The following OR14I1 variants were observed in gnomAD, a reference collection of about 807,000 sequenced individuals.
The protein encoded by OR14I1 is olfactory receptor family 14 subfamily I member 1.
For missense variants in OR14I1, 279 were observed against 181.8 expected (o/e 1.53, Z -3.07); for synonymous variants, 118 against 71.1 (o/e 1.66, Z -3.32).
chr1:248,694,706 T>C, the OR14I1 span, among the ~76,000 whole-genome samples: 1 of 152,246 alleles, frequency 6.6e-6, no homozygotes, highest in Admixed American at 6.5e-5. Context: ...CAGAGGATGC[T>C]ACAATGAATG....
chr1:248,692,369 T>C, the OR14I1 span, among the ~76,000 whole-genome samples: 1 of 152,214 alleles, frequency 6.6e-6, no homozygotes, highest in Non-Finnish European at 1.5e-5. Context: ...TCCACCCTCA[T>C]TCCTGCATTC....
At chr1:248,694,314 A>T in the OR14I1 span, among the ~76,000 whole-genome samples, 40,270 of 152,012 alleles carry the variant, frequency 0.26, 8,564 homozygotes, top group African/African-American at 0.6. Context: ...GTCCCATTTT[A>T]AAAATTTACT....
At chr1:248,698,776 A>G in the OR14I1 span, 3 of 152,236 alleles carry the variant, frequency 2.0e-5, no homozygotes, top group African/African-American at 7.2e-5. Flanking sequence ...CTTATATCCT[A>G]CTCCAGCCCA....
chr1:248,693,528 T>C, the OR14I1 span, among the ~76,000 whole-genome samples: 6 of 152,226 alleles, frequency 3.9e-5, no homozygotes, highest in African/African-American at 1.4e-4. Flanking sequence ...AGCATAATTT[T>C]ACATAAAATT....
upstream of OR14I1, among the ~76,000 whole-genome samples, chr1:248,682,470 A>G (rs914367931): frequency 6.6e-6 from 1 of 152,226 alleles, no homozygotes. Context: ...GGAGATTTTT[A>G]ACATGGAAAG....
upstream of OR14I1, among the ~76,000 whole-genome samples, chr1:248,682,857 T>G (rs772761046): frequency 3.3e-5 from 5 of 152,214 alleles, no homozygotes; most frequent in Admixed American, 6.5e-5. Flanking sequence ...GGAATGAGTA[T>G]GGAATATGAT....
chr1:248,693,621 A>G, the OR14I1 span, among the ~76,000 whole-genome samples: 1 of 152,106 alleles, frequency 6.6e-6, no homozygotes, highest in Non-Finnish European at 1.5e-5. Context: ...ATTTATTTTG[A>G]GGACAGGCCT....
the OR14I1 span, among the ~76,000 whole-genome samples, chr1:248,697,575 G>A: frequency 6.4e-4 from 97 of 151,722 alleles, no homozygotes; most frequent in Admixed American, 3.0e-3. Flanking sequence ...ACTTGAGGTC[G>A]GGAGTTCAAG....
At chr1:248,680,967 C>CATGTGT (rs138704339), downstream of OR14I1, among the ~76,000 whole-genome samples, 3 of 147,108 alleles carry the variant, frequency 2.0e-5, no homozygotes, top group Non-Finnish European at 4.5e-5. Context: ...AAACTGTGTG[C>CATGTGT]GTGTGTGTGT....
the OR14I1 span, among the ~76,000 whole-genome samples, chr1:248,701,491 A>G: frequency 6.6e-6 from 1 of 152,196 alleles, no homozygotes. Flanking sequence ...TTTGATTGTC[A>G]TCAACATTGT....
chr1:248,687,450 C>T, the OR14I1 span, among the ~76,000 whole-genome samples: 2 of 152,142 alleles, frequency 1.3e-5, no homozygotes, highest in African/African-American at 2.4e-5. Context: ...TCTATTTGTT[C>T]CACAACCAGT....
chr1:248,682,613 G>T (rs1352265754), upstream of OR14I1, among the ~76,000 whole-genome samples: 1 of 152,114 alleles, frequency 6.6e-6, no homozygotes, highest in Non-Finnish European at 1.5e-5. Context: ...ATAATCTAGG[G>T]TGCTTATTAA....
chr1:248,690,503 C>G, the OR14I1 span, among the ~76,000 whole-genome samples: 1 of 146,916 alleles, frequency 6.8e-6, no homozygotes, highest in African/African-American at 2.5e-5. Flanking sequence ...TTCCTGGACA[C>G]ATACACCCTC....
At chr1:248,697,052 G>A in the OR14I1 span, 1 of 152,258 alleles carries the variant, frequency 6.6e-6, no homozygotes. Context: ...ATTAAGATGA[G>A]TGATCTAGAG....
chr1:248,684,757 C>CATGTATATATATATATATATATATAT (rs1661616527), upstream of OR14I1, among the ~76,000 whole-genome samples: 1 of 145,064 alleles, frequency 6.9e-6, no homozygotes, highest in African/African-American at 2.6e-5. Context: ...CACACACATA[C>CATGTATATATATATATATATATATAT]ATATATATAT....
chr1:248,696,013 G>A, the OR14I1 span, among the ~76,000 whole-genome samples: 1 of 152,150 alleles, frequency 6.6e-6, no homozygotes, highest in African/African-American at 2.4e-5. Flanking sequence ...TCGCGATCAT[G>A]TGTGTGGACA....
the OR14I1 span, among the ~76,000 whole-genome samples, chr1:248,690,551 G>C: frequency 8.9e-6 from 1 of 112,580 alleles, no homozygotes; most frequent in African/African-American, 3.4e-5. Flanking sequence ...TCCCTCAATA[G>C]ACCAGTAACA....
At chr1:248,685,733 C>T (rs938201300), upstream of OR14I1, among the ~76,000 whole-genome samples, 2 of 149,114 alleles carry the variant, frequency 1.3e-5, no homozygotes, top group African/African-American at 4.9e-5. Context: ...TATATATATA[C>T]ATATATATGT....
chr1:248,682,995 T>A (rs917781281), upstream of OR14I1, among the ~76,000 whole-genome samples: 2 of 152,222 alleles, frequency 1.3e-5, no homozygotes, highest in Non-Finnish European at 2.9e-5. Flanking sequence ...CTGTGCCCGA[T>A]GCTATTATCT....
Sources: gnomAD v4.1 joint callset for allele counts (sites outside exome capture counted in the v4.1 genomes callset) on GRCh38, gnomAD v4.1.1 for gene constraint, MANE v1.5 for transcripts, NCBI Gene and HGNC (gene_info 2026-07-23, HGNC 2026-07-21) for gene names.